SOX6: variants seen among roughly 807,000 people sequenced by gnomAD.
SOX6 encodes the protein SRY-box transcription factor 6.
SOX6 carries 11 observed loss-of-function variants against 97.8 expected under a neutral mutation model. The observed-to-expected ratio is 0.11, with a 90% CI of 0.07 to 0.19. SOX6 has a LOEUF of 0.19. SOX6 is among the 10% of genes least tolerant of loss of function. The probability of loss-of-function intolerance (pLI) is 1.00; values close to 1 mark genes in which losing one functional copy is unlikely to be tolerated. For missense variants in SOX6, 810 were observed against 1,039.5 expected (o/e 0.78, Z 3.04); for synonymous variants, 360 against 371.4 (o/e 0.97, Z 0.35).
chr11:16,183,957 A>G lies in SOX6; in HGVS notation c.709-3T>C. ...AGTTGCTGCTGTTGTCTCGCAATCT[A>G]TCAGAAATAAAGTTTCATTAAGTTA... On this transcript the variant is annotated splice_polypyrimidine_tract_variant and splice_region_variant and intron_variant, in intron 5 of 15. Transcript: ENST00000683767. 1 of 1,611,878 alleles carries G rather than the reference A, an allele frequency of 6.2e-7. No individual in the cohort carries two copies.
intron 4 of SOX6, among the ~76,000 whole-genome samples, chr11:16,565,135 G>A (rs938494453): frequency 3.9e-5 from 6 of 151,996 alleles, no homozygotes; most frequent in South Asian, 2.1e-4. Context: ...ATTACAGACC[G>A]TGCAGACATA....
chr11:16,056,705 C>A (rs891963745), intron 9 of SOX6, among the ~76,000 whole-genome samples: 1 of 152,100 alleles, frequency 6.6e-6, no homozygotes, highest in African/African-American at 2.4e-5. Flanking sequence ...TTCTCTTTGG[C>A]AAACCAATGA....
chr11:16,268,899 A>T (rs1854160422), intron 3 of SOX6, among the ~76,000 whole-genome samples: 1 of 150,950 alleles, frequency 6.6e-6, no homozygotes. Flanking sequence ...GGTTTTACTT[A>T]TGATCTTTTT....
intron 3 of SOX6, among the ~76,000 whole-genome samples, chr11:16,694,201 A>G (rs1848036015): frequency 6.6e-6 from 1 of 152,172 alleles, no homozygotes; most frequent in African/African-American, 2.4e-5. Flanking sequence ...GTACTGTAGG[A>G]GAAATAAAAT....
At chr11:16,483,997 T>C in intron 4 of SOX6, 1 of 842,936 alleles carries the variant, frequency 1.2e-6, no homozygotes, top group South Asian at 1.3e-5. Flanking sequence ...CCTGGGATCC[T>C]CCAGGAGGCA....
chr11:16,072,175 C>T (rs1240117447), intron 9 of SOX6, among the ~76,000 whole-genome samples: 4 of 152,084 alleles, frequency 2.6e-5, no homozygotes, highest in Non-Finnish European at 4.4e-5. Flanking sequence ...AAAGTCAAAA[C>T]CCAATCCAAG....
chr11:16,339,242 G>C (rs947771448), intron 2 of SOX6, among the ~76,000 whole-genome samples: 5 of 151,922 alleles, frequency 3.3e-5, no homozygotes, highest in Middle Eastern at 3.2e-3. Flanking sequence ...TGCTTCAAAC[G>C]TTTTCCATTG....
At chr11:16,737,195 C>T (rs1299693699) in intron 1 of SOX6, among the ~76,000 whole-genome samples, 1 of 152,044 alleles carries the variant, frequency 6.6e-6, no homozygotes, top group African/African-American at 2.4e-5. Context: ...ATTATCCATA[C>T]CACTTATTAT....
At chr11:16,105,439 G>A (rs983198534) in intron 7 of SOX6, among the ~76,000 whole-genome samples, 10 of 152,000 alleles carry the variant, frequency 6.6e-5, no homozygotes, top group Non-Finnish European at 1.0e-4. Flanking sequence ...GTGGTGGCAC[G>A]TGCCTATAGT....
chr11:16,264,183 C>G (rs1482519526), intron 3 of SOX6, among the ~76,000 whole-genome samples: 1 of 151,834 alleles, frequency 6.6e-6, no homozygotes, highest in East Asian at 1.9e-4. Flanking sequence ...CTACCCTACT[C>G]ACACCAACCC....
intron 4 of SOX6, among the ~76,000 whole-genome samples, chr11:16,534,947 G>T (rs575894156): frequency 2.8e-4 from 42 of 152,306 alleles, no homozygotes; most frequent in African/African-American, 8.9e-4. Context: ...AAGAGGGAAA[G>T]ATTTCTGCAG....
chr11:16,718,517 C>T (rs1344672735), intron 2 of SOX6, among the ~76,000 whole-genome samples: 2 of 152,070 alleles, frequency 1.3e-5, no homozygotes, highest in African/African-American at 2.4e-5. Flanking sequence ...TCAAAAAATA[C>T]CAGCCAAAAC....
chr11:16,504,467 C>T (rs887555143), intron 4 of SOX6, among the ~76,000 whole-genome samples: 1 of 151,518 alleles, frequency 6.6e-6, no homozygotes, highest in Admixed American at 6.6e-5. Context: ...AGAAAGAAAT[C>T]AAGAGGGCAA....
chr11:16,450,280 A>G (rs116148039), intron 1 of SOX6, among the ~76,000 whole-genome samples: 1 of 152,230 alleles, frequency 6.6e-6, no homozygotes, highest in Admixed American at 6.5e-5. Flanking sequence ...AAATTACTCC[A>G]TCACTTACCA....
chr11:16,208,179 T>C (rs1852123864), intron 4 of SOX6, among the ~76,000 whole-genome samples: 2 of 152,186 alleles, frequency 1.3e-5, no homozygotes, highest in African/African-American at 4.8e-5. Context: ...TAAATAAACA[T>C]TTAATTCTAT....
chr11:16,721,950 A>C (rs1236297973), intron 2 of SOX6, among the ~76,000 whole-genome samples: 1 of 152,060 alleles, frequency 6.6e-6, no homozygotes, highest in African/African-American at 2.4e-5. Flanking sequence ...AAGACTCCCT[A>C]TTCAATAAAT....
At chr11:16,092,174 T>C (rs1489038393) in intron 9 of SOX6, among the ~76,000 whole-genome samples, 6 of 152,030 alleles carry the variant, frequency 3.9e-5, no homozygotes, top group African/African-American at 1.2e-4. Context: ...TTAATTTTGA[T>C]TGGTCTTTCA....
chr11:16,625,325 T>C (rs564056774), intron 3 of SOX6, among the ~76,000 whole-genome samples: 33 of 152,318 alleles, frequency 2.2e-4, no homozygotes, highest in South Asian at 2.1e-3. Context: ...ATTAATTTTT[T>C]TGTATAGTGT....
intron 4 of SOX6, among the ~76,000 whole-genome samples, chr11:16,518,203 T>G (rs993639403): frequency 3.9e-5 from 6 of 152,194 alleles, no homozygotes; most frequent in African/African-American, 1.4e-4. Context: ...AGACAACAAT[T>G]CTGCCAAATA....
Sources: gnomAD v4.1 joint callset for allele counts (sites outside exome capture counted in the v4.1 genomes callset) on GRCh38, gnomAD v4.1.1 for gene constraint, MANE v1.5 for transcripts, NCBI Gene and HGNC (gene_info 2026-07-23, HGNC 2026-07-21) for gene names.